The following CYP4Z1 variants were observed in gnomAD, a reference collection of about 807,000 sequenced individuals.
CYP4Z1 encodes cytochrome P450 family 4 subfamily Z member 1, also known as cytochrome P450 4Z1.
Under a neutral mutation model 54.2 loss-of-function variants are expected in CYP4Z1, and 41 were observed. The observed-to-expected ratio is 0.76, with a 90% CI of 0.59 to 0.98. CYP4Z1 has a LOEUF of 0.98. Ranked by LOEUF, CYP4Z1 falls within the 50% of genes least tolerant of loss-of-function variation. The pLI, the probability that CYP4Z1 is intolerant of heterozygous loss-of-function variation, is 0.00. For missense variants in CYP4Z1, 513 were observed against 599.0 expected (o/e 0.86, Z 1.50); for synonymous variants, 163 against 206.2 (o/e 0.79, Z 1.79).
chr1:47,095,972 A>G (rs970197676), intron 7 of CYP4Z1, among the ~76,000 whole-genome samples: 39 of 152,276 alleles, frequency 2.6e-4, no homozygotes, highest in African/African-American at 9.4e-4. Context: ...ATAAATAAAT[A>G]CTCTGTGAAC....
At chr1:47,110,777 C>A in intron 9 of CYP4Z1, among the ~76,000 whole-genome samples, 1 of 150,822 alleles carries the variant, frequency 6.6e-6, no homozygotes, top group African/African-American at 2.4e-5. Context: ...AGGATATAAA[C>A]CTAATCCAAC....
At chr1:47,061,568 A>G in the CYP4Z1 span, among the ~76,000 whole-genome samples, 1 of 152,190 alleles carries the variant, frequency 6.6e-6, no homozygotes, top group Non-Finnish European at 1.5e-5. Context: ...GAAGCCCAGA[A>G]CCAGATTAAT....
intron 2 of CYP4Z1, among the ~76,000 whole-genome samples, chr1:47,077,625 A>T (rs903728829): frequency 0.01 from 1,519 of 144,898 alleles, 14 homozygotes; most frequent in African/African-American, 0.036. Context: ...TATATGTCTT[A>T]TTTTTTTTTT....
intron 6 of CYP4Z1, 65 bp from the exon 7 acceptor site, chr1:47,094,501 C>T (rs1644662295): frequency 2.6e-6 from 3 of 1,141,224 alleles, no homozygotes; most frequent in Non-Finnish European, 3.8e-6. Flanking sequence ...CTCAGAACTA[C>T]ATTTGGCTTT....
chr1:47,092,089 C>T (rs985910948), intron 6 of CYP4Z1, among the ~76,000 whole-genome samples: 11 of 151,954 alleles, frequency 7.2e-5, no homozygotes, highest in African/African-American at 2.7e-4. Context: ...GTCCTGAACC[C>T]AGTGACCTCC....
At chr1:47,092,456 C>T (rs1286438840) in intron 6 of CYP4Z1, among the ~76,000 whole-genome samples, 3 of 151,296 alleles carry the variant, frequency 2.0e-5, no homozygotes, top group South Asian at 2.1e-4. Flanking sequence ...GTAAAGGCTA[C>T]GGAATTCTTA....
At chr1:47,087,877 C>G (rs1644608842) in intron 6 of CYP4Z1, among the ~76,000 whole-genome samples, 1 of 152,128 alleles carries the variant, frequency 6.6e-6, no homozygotes, top group Non-Finnish European at 1.5e-5. Context: ...CCATCAATAC[C>G]TAATTTATTG....
At position 47,117,553 on chromosome 1, in the gene CYP4Z1, C is replaced by T. The variant is rs1231282502; in HGVS notation, c.1350-213C>T. 3.9e-5 allele frequency among the ~76,000 whole-genome samples: 6 copies of T among 152,064 alleles called. No individual in the cohort carries two copies. The South Asian group carries it at 1.2e-3, about 32-fold the overall frequency. On this transcript the variant is annotated intron_variant, in intron 11 of 11. Coordinates refer to ENST00000334194, the MANE Select transcript of CYP4Z1 (RefSeq NM_178134.3). Reference sequence around the variant, plus strand: ...ATTACTTGAGATCAGGAATTTGAGACCAGCCTGGCCAACATGGTAAAACCC... The same window carrying T: ...ATTACTTGAGATCAGGAATTTGAGATCAGCCTGGCCAACATGGTAAAACCC...
chr1:47,088,090 C>G (rs139407636), intron 6 of CYP4Z1, among the ~76,000 whole-genome samples: 16 of 150,840 alleles, frequency 1.1e-4, no homozygotes, highest in Admixed American at 6.0e-4. Context: ...TGCTGGATTC[C>G]GTTTGCCAGT....
rs1478923438 is a variant in CYP4Z1, at chr1:47,067,406, G to T, written c.-85G>T. ...TTGAAAGCCCAGTGTTGCCCAGGGG[G>T]CATCTCCTTTGTGTTTATGAGAGAC... On this transcript the variant is annotated 5_prime_UTR_variant, in exon 1 of 12. Transcript: ENST00000334194. 4.2e-6 allele frequency: 5 copies of T among 1,197,694 alleles called. No homozygotes were observed. The highest frequency in any genetic ancestry group is 4.4e-6 in the Non-Finnish European group (4 of 903,848). The allele number at this position is 1,197,694 out of a possible 1,614,324, so 74.2% of individuals were successfully genotyped here.
chr1:47,087,864 A>T (rs1050938942), intron 6 of CYP4Z1, among the ~76,000 whole-genome samples: 5 of 152,150 alleles, frequency 3.3e-5, no homozygotes, highest in African/African-American at 1.2e-4. Context: ...TTTGAGATAC[A>T]TCCCATCAAT....
At chr1:47,058,189 A>G in the CYP4Z1 span, among the ~76,000 whole-genome samples, 1 of 152,080 alleles carries the variant, frequency 6.6e-6, no homozygotes, top group Non-Finnish European at 1.5e-5. Context: ...AAAGCATTTC[A>G]TTTCCTCTAA....
chr1:47,099,522 C>T (rs1240016802), intron 8 of CYP4Z1, among the ~76,000 whole-genome samples: 1 of 152,112 alleles, frequency 6.6e-6, no homozygotes, highest in Non-Finnish European at 1.5e-5. Context: ...TCACTTCAGG[C>T]AATAGTACAA....
intron 9 of CYP4Z1, among the ~76,000 whole-genome samples, chr1:47,112,611 T>C (rs958325351): frequency 1.3e-5 from 2 of 152,106 alleles, no homozygotes; most frequent in Admixed American, 6.6e-5. Context: ...GTACACATAA[T>C]CCAATAGCTC....
the CYP4Z1 span, among the ~76,000 whole-genome samples, chr1:47,059,226 A>G: frequency 1.3e-5 from 2 of 152,178 alleles, no homozygotes; most frequent in Non-Finnish European, 2.9e-5. Context: ...ATATGTCCCA[A>G]TGCCTTCATA....
At position 47,094,672 on chromosome 1, in the gene CYP4Z1, A is replaced by C; in HGVS notation, c.876+3A>C. 3 of 1,606,160 alleles carry C rather than the reference A, an allele frequency of 1.9e-6. No individual in the cohort carries two copies. The highest frequency in any genetic ancestry group is 2.6e-6 in the Non-Finnish European group (3 of 1,175,848). ...TGGACATACTTTTGAGTGCCAAAGTAAGTCTTCTAAACTTCTGAACACATT... is the reference window on the plus strand; with the variant it reads ...TGGACATACTTTTGAGTGCCAAAGTCAGTCTTCTAAACTTCTGAACACATT... On this transcript the variant is annotated splice_donor_region_variant and intron_variant, in intron 7 of 11. Coordinates refer to ENST00000334194, the MANE Select transcript of CYP4Z1 (RefSeq NM_178134.3).
At chr1:47,087,654 A>G (rs144352973) in intron 6 of CYP4Z1, among the ~76,000 whole-genome samples, 256 of 152,274 alleles carry the variant, frequency 1.7e-3, no homozygotes, top group African/African-American at 5.8e-3. Flanking sequence ...GGACAATGTG[A>G]CATCCTCTTT....
At position 47,084,839 on chromosome 1, in the gene CYP4Z1, C is replaced by T; in HGVS notation, c.633C>T (p.Tyr211=). ...SIQLDSTLDS[Y]LKAVFNLSKI... Reference sequence around the variant, plus strand: ...CCTATTCCAGTACCCTGGACTCATACCTGAAAGCAGTGTTCAACCTTAGCA... The same window carrying T: ...CCTATTCCAGTACCCTGGACTCATATCTGAAAGCAGTGTTCAACCTTAGCA... Residue 211 remains tyrosine (Y), a synonymous_variant, in exon 6 of 12, where the codon TAC becomes TAT. Transcript: ENST00000334194. 2 of 1,520,738 alleles carry T rather than the reference C, an allele frequency of 1.3e-6. No individual in the cohort carries two copies. The highest frequency in any genetic ancestry group is 1.8e-6 in the Non-Finnish European group (2 of 1,137,532). The allele number at this position is 1,520,738 out of a possible 1,614,324, so 94.2% of individuals were successfully genotyped here.
rs1644653964 is a variant in CYP4Z1 at position 47,093,430 on chromosome 1, T to G, written c.773-1136T>G. On this transcript the variant is annotated intron_variant, in intron 6 of 11. Transcript: ENST00000334194. ...TTATCCACCTTGTGTCATTCCTCTTTTCACTTCCTAAACCTGTGTAATCTG... is the reference window on the plus strand; with the variant it reads ...TTATCCACCTTGTGTCATTCCTCTTGTCACTTCCTAAACCTGTGTAATCTG... Among the ~76,000 whole-genome samples the G allele has an allele frequency of 2.0e-5, 3 of 152,338 alleles. No homozygotes were observed. In the South Asian group the frequency reaches 6.2e-4, roughly 32 times the overall value.
Sources: allele counts gnomAD v4.1 joint callset (sites outside exome capture counted in the v4.1 genomes callset), GRCh38; gene constraint gnomAD v4.1.1; transcripts MANE v1.5; gene names NCBI Gene and HGNC (gene_info 2026-07-23, HGNC 2026-07-21).